JADE1: variants seen among roughly 807,000 people sequenced by gnomAD.
JADE1 encodes the protein protein Jade-1.
A neutral mutation model predicts 81.8 loss-of-function variants in JADE1; 14 were observed. The observed-to-expected ratio is 0.17, with a 90% confidence interval of 0.11 to 0.27. The LOEUF (loss-of-function observed/expected upper bound fraction) is 0.27. JADE1 is among the 10% of genes least tolerant of loss of function. The pLI is 1.00. For missense variants in JADE1, 690 were observed against 1,047.9 expected, an observed-to-expected ratio of 0.66 and a Z score of 4.71; for synonymous variants, 353 against 391.9, an observed-to-expected ratio of 0.90 and a Z score of 1.17.
At chr4:128,827,528 G>A (rs761827029) in intron 1 of JADE1, among the ~76,000 whole-genome samples, 1 of 152,148 alleles carries the variant, frequency 6.6e-6, no homozygotes, top group Non-Finnish European at 1.5e-5. Flanking sequence ...TCTGGGTTTT[G>A]GGGCTTGCTA....
In JADE1 at chr4:128,846,688, G is replaced by A. The variant is rs149166853; in HGVS notation, c.296+156G>A. 6.6e-6 allele frequency among the ~76,000 whole-genome samples: 1 copy of A among 152,316 alleles called. No homozygotes were observed. Among genetic ancestry groups the A allele is most frequent in the East Asian group, 1.9e-4 (1 of 5,184 alleles). ...CTCAAGTGGAAATAGAAATTCAGGAGCAACATACTTCAGGCATACAGGGTA... is the reference window on the plus strand; with the variant it reads ...CTCAAGTGGAAATAGAAATTCAGGAACAACATACTTCAGGCATACAGGGTA... On this transcript the variant is annotated intron_variant, in intron 4 of 10. Coordinates refer to ENST00000226319, the MANE Select transcript of JADE1 (RefSeq NM_199320.4). This position sits in a 1 kb window ranked among gnomAD's most constrained non-coding sequence, Gnocchi z 4.0.
rs574361014 is a variant in JADE1 at position 128,862,917 on chromosome 4, C to T, written c.1503+692C>T. The T allele has an allele frequency of 1.9e-4, 166 of 873,200 alleles. 1 individual carries two copies. Among genetic ancestry groups the T allele is most frequent in the South Asian group, 4.0e-4 (8 of 20,098 alleles). The allele number at this position is 873,200 out of a possible 1,614,324, so 54.1% of individuals were successfully genotyped here. A position where few individuals can be genotyped will look rare whatever the true frequency, so the allele number is the denominator to read the frequency against. On this transcript the variant is annotated intron_variant, in intron 9 of 10. Transcript: ENST00000226319. ...GGCTGTGTGTGTGTGTGTGTGTGCGCGTGCCCGTGTCCATCCATGTCTCTG... is the reference window on the plus strand; with the variant it reads ...GGCTGTGTGTGTGTGTGTGTGTGCGTGTGCCCGTGTCCATCCATGTCTCTG...
At chr4:128,850,753 T>C (rs777640430) in intron 5 of JADE1, among the ~76,000 whole-genome samples, 5 of 152,230 alleles carry the variant, frequency 3.3e-5, no homozygotes, top group African/African-American at 4.8e-5. Flanking sequence ...AGGTGTCCTG[T>C]GTTAAGTCAG....
chr4:128,818,600 A>T (rs1417098226), intron 1 of JADE1, among the ~76,000 whole-genome samples: 1 of 152,176 alleles, frequency 6.6e-6, no homozygotes, highest in Non-Finnish European at 1.5e-5. Flanking sequence ...TTCTCTGTAA[A>T]GAGCCAGGTA....
intron 10 of JADE1, among the ~76,000 whole-genome samples, chr4:128,869,006 A>G (rs78546808): frequency 0.013 from 1,918 of 152,270 alleles, 51 homozygotes; most frequent in African/African-American, 0.044. Flanking sequence ...GTGCACAGAG[A>G]ACAAAGAAGT....
At chr4:128,840,550 C>G (rs1579164126) in intron 2 of JADE1, among the ~76,000 whole-genome samples, 1 of 152,180 alleles carries the variant, frequency 6.6e-6, no homozygotes, top group East Asian at 1.9e-4. Context: ...TTCCTCGTCT[C>G]TTCTTTCAGG....
chr4:128,851,019 C>A (rs1350044923), intron 5 of JADE1, among the ~76,000 whole-genome samples: 1 of 152,144 alleles, frequency 6.6e-6, no homozygotes, highest in Admixed American at 6.5e-5. Flanking sequence ...CAACCTCTAC[C>A]TCCTGAGTTC....
At chr4:128,857,834 C>T (rs548336536) in intron 8 of JADE1, among the ~76,000 whole-genome samples, 1 of 152,326 alleles carries the variant, frequency 6.6e-6, no homozygotes, top group South Asian at 2.1e-4. Context: ...GCCACCCTCC[C>T]ACCTGCAGTC....
chr4:128,840,697 C>A (rs966727446), intron 2 of JADE1, among the ~76,000 whole-genome samples: 1 of 152,198 alleles, frequency 6.6e-6, no homozygotes, highest in Non-Finnish European at 1.5e-5. Context: ...CCAGTAATGA[C>A]CAGATTTAGA....
intron 2 of JADE1, among the ~76,000 whole-genome samples, chr4:128,841,272 A>ATC (rs1729412470): frequency 6.6e-6 from 1 of 152,212 alleles, no homozygotes; most frequent in Non-Finnish European, 1.5e-5. Flanking sequence ...GTGGAGGTGA[A>ATC]TTATCAGAAA....
At chr4:128,844,726 A>G (rs1729721857) in intron 3 of JADE1, among the ~76,000 whole-genome samples, 1 of 152,024 alleles carries the variant, frequency 6.6e-6, no homozygotes, top group Non-Finnish European at 1.5e-5. Flanking sequence ...CTGGTATTAC[A>G]CGTGATTTTT....
At position 128,872,226 on chromosome 4, in the gene JADE1, G is replaced by A. The variant is rs750224874; in HGVS notation, c.2493G>A (p.Arg831=). The change falls in exon 11 of 11, where the codon AGG becomes AGA. Residue 831 remains arginine (R), a synonymous_variant. Transcript: ENST00000226319. ...CIHTSSTISR[R]TDIIRRSILA... is the part of the protein sequence containing the mutation. ...ACACCAGCAGCACTATCAGCAGAAG[G>A]ACAGACATTATCAGGAGAAGCATCT... 1 of 1,614,148 alleles carries A rather than the reference G, an allele frequency of 6.2e-7. No individual in the cohort carries two copies. The highest frequency in any genetic ancestry group is 8.5e-7 in the Non-Finnish European group (1 of 1,179,994).
chr4:128,839,293 C>T (rs1056281165), intron 2 of JADE1, among the ~76,000 whole-genome samples: 10 of 152,190 alleles, frequency 6.6e-5, no homozygotes, highest in African/African-American at 2.2e-4. Context: ...GAGCAGTTCC[C>T]TCGGGTTCAC....
intron 1 of JADE1, among the ~76,000 whole-genome samples, chr4:128,829,386 G>T (rs1427395857): frequency 6.6e-6 from 1 of 152,080 alleles, no homozygotes; most frequent in Non-Finnish European, 1.5e-5. Flanking sequence ...CCTTTCTCTT[G>T]GTACATCATT....
intron 6 of JADE1, among the ~76,000 whole-genome samples, chr4:128,852,828 G>A (rs967340252): frequency 2.4e-4 from 36 of 152,202 alleles, no homozygotes; most frequent in African/African-American, 8.4e-4. Context: ...AGCTTATGGT[G>A]ATTTGGGCAA....
Position 128,862,000 on chromosome 4 carries a change from G to C in JADE1, c.1278G>C (p.Glu426Asp). The change falls in exon 9 of 11, where the codon GAG becomes GAC. Residue 426 changes from glutamate (E) to aspartate (D), a missense_variant. This residue lies in a region of JADE1 where 63 missense variants were observed against 138.4 expected (regional missense o/e 0.46). Coordinates refer to ENST00000226319, the MANE Select transcript of JADE1 (RefSeq NM_199320.4). ...AGAAGCTGCAGCAGTTGGAGGATGA[G>C]TTCTACACCTTCGTCAACCTGCTGG... ...RKQKLQQLEDEFYTFVNLLDV... is the reference protein window; with the variant it reads ...RKQKLQQLEDDFYTFVNLLDV... 1 of 1,614,178 alleles carries C rather than the reference G, an allele frequency of 6.2e-7. No individual in the cohort carries two copies. The highest frequency in any genetic ancestry group is 8.5e-7 in the Non-Finnish European group (1 of 1,180,030).
chr4:128,812,234 A>C (rs950712963), intron 1 of JADE1, among the ~76,000 whole-genome samples: 21 of 151,884 alleles, frequency 1.4e-4, no homozygotes, highest in Admixed American at 9.2e-4. Flanking sequence ...CACCGGGGCT[A>C]ATTCCGGCGG....
intron 1 of JADE1, among the ~76,000 whole-genome samples, chr4:128,825,468 A>G (rs1360044215): frequency 1.3e-5 from 2 of 152,192 alleles, no homozygotes; most frequent in Non-Finnish European, 2.9e-5. Context: ...GAGCCACCCT[A>G]GGGATGGGTT....
chr4:128,861,210 G>A (rs1409363869), intron 8 of JADE1, among the ~76,000 whole-genome samples: 3 of 152,186 alleles, frequency 2.0e-5, no homozygotes, highest in African/African-American at 7.2e-5. Flanking sequence ...TGCATATTGA[G>A]TACAGATTCT....
Sources: allele counts gnomAD v4.1 joint callset (sites outside exome capture counted in the v4.1 genomes callset), GRCh38; gene constraint gnomAD v4.1.1; regional missense constraint gnomAD v4.1.1; non-coding constraint Gnocchi (gnomAD v3.1); transcripts MANE v1.5; gene names NCBI Gene and HGNC (gene_info 2026-07-23, HGNC 2026-07-21).